The following ADGRL2 variants were observed in gnomAD, a reference collection of about 807,000 sequenced individuals.
ADGRL2 encodes the protein calcium-independent alpha-latrotoxin receptor 2.
A neutral mutation model predicts 157.4 loss-of-function variants in ADGRL2; 44 were observed. The ratio of observed to expected loss-of-function variants is 0.28; its 90% confidence interval spans 0.22 to 0.36. The LOEUF (loss-of-function observed/expected upper bound fraction) is 0.36. Among genes scored for constraint, ADGRL2 ranks in the 10% least tolerant of loss-of-function variants. The probability of loss-of-function intolerance (pLI) is 1.00; values close to 1 mark genes in which losing one functional copy is unlikely to be tolerated. For synonymous variants in ADGRL2, 585 were observed against 624.7 expected (o/e 0.94, Z 0.95); for missense variants, 1,510 against 1,768.9 (o/e 0.85, Z 2.63).
At chr1:81,427,007 C>A in intron 1 of ADGRL2, 1 of 981,062 alleles carries the variant, frequency 1.0e-6, no homozygotes, top group South Asian at 1.3e-5. Flanking sequence ...CATTGTTATT[C>A]AGAAATACCA....
chr1:81,329,346 G>A (rs1280839829), intron 1 of ADGRL2, among the ~76,000 whole-genome samples: 3 of 151,700 alleles, frequency 2.0e-5, no homozygotes, highest in Non-Finnish European at 4.4e-5. Flanking sequence ...CCCCTATTTT[G>A]AAAGGAGGCT....
chr1:81,500,434 A>G (rs2078822339), intron 2 of ADGRL2, among the ~76,000 whole-genome samples: 2 of 152,236 alleles, frequency 1.3e-5, no homozygotes, highest in Non-Finnish European at 2.9e-5. Context: ...GATAAACAAA[A>G]TGTGGTATAT....
intron 2 of ADGRL2, among the ~76,000 whole-genome samples, chr1:81,509,626 T>C (rs2079039971): frequency 6.6e-6 from 1 of 152,178 alleles, no homozygotes; most frequent in South Asian, 2.1e-4. Flanking sequence ...GTTAAAAACA[T>C]GAATGAGAAA....
chr1:81,784,123 T>TA (rs768181383), intron 2 of ADGRL2, among the ~76,000 whole-genome samples: 36 of 152,072 alleles, frequency 2.4e-4, no homozygotes, highest in South Asian at 1.7e-3. Context: ...TTTCTAAAAA[T>TA]AAAAAAAAGC....
intron 2 of ADGRL2, among the ~76,000 whole-genome samples, chr1:81,478,024 A>ATT (rs987706724): frequency 1.3e-5 from 2 of 151,140 alleles, no homozygotes; most frequent in Non-Finnish European, 3.0e-5. Flanking sequence ...TTTGAGAGTA[A>ATT]TTTTTTTGCA....
At chr1:81,931,164 C>G (rs2095222822) in intron 3 of ADGRL2, among the ~76,000 whole-genome samples, 1 of 151,888 alleles carries the variant, frequency 6.6e-6, no homozygotes, top group Non-Finnish European at 1.5e-5. Flanking sequence ...AACCAAAAAA[C>G]AAATAAACAA....
intron 3 of ADGRL2, among the ~76,000 whole-genome samples, chr1:81,629,974 G>C (rs961536846): frequency 2.0e-5 from 3 of 151,798 alleles, no homozygotes; most frequent in African/African-American, 7.3e-5. Flanking sequence ...TTGGAAAACT[G>C]TGTGTGTGCG....
At chr1:81,752,947 A>C (rs185313440) in intron 1 of ADGRL2, among the ~76,000 whole-genome samples, 80 of 152,354 alleles carry the variant, frequency 5.3e-4, no homozygotes, top group African/African-American at 1.9e-3. Context: ...ACATTGCTAT[A>C]ATACAACTAT....
intron 2 of ADGRL2, among the ~76,000 whole-genome samples, chr1:81,769,280 C>T (rs61775264): frequency 6.6e-6 from 1 of 151,824 alleles, no homozygotes; most frequent in Non-Finnish European, 1.5e-5. Flanking sequence ...TTGCTTGTAT[C>T]CTGCATTTCC....
At chr1:81,932,233 A>G (rs892124780) in intron 3 of ADGRL2, among the ~76,000 whole-genome samples, 2 of 152,156 alleles carry the variant, frequency 1.3e-5, no homozygotes, top group African/African-American at 4.8e-5. Flanking sequence ...TTTTAGCAAA[A>G]CATTATACTT....
chr1:81,922,645 G>A (rs988750758), intron 3 of ADGRL2, among the ~76,000 whole-genome samples: 14 of 151,994 alleles, frequency 9.2e-5, no homozygotes, highest in African/African-American at 3.4e-4. Flanking sequence ...AAAATTACAG[G>A]TATTTCTACA....
At chr1:81,638,908 G>A (rs990911527) in intron 3 of ADGRL2, among the ~76,000 whole-genome samples, 10 of 152,178 alleles carry the variant, frequency 6.6e-5, no homozygotes, top group Non-Finnish European at 1.0e-4. Flanking sequence ...GGGAGCTGAG[G>A]TGAGAGGATC....
chr1:81,972,948 T>C (rs1659180736), intron 17 of ADGRL2, among the ~76,000 whole-genome samples: 1 of 150,884 alleles, frequency 6.6e-6, no homozygotes, highest in Non-Finnish European at 1.5e-5. Flanking sequence ...TGTAGCACTA[T>C]GGTGAGAAAT....
At chr1:81,714,354 GGC>G (rs1296254440) in intron 1 of ADGRL2, among the ~76,000 whole-genome samples, 2 of 152,274 alleles carry the variant, frequency 1.3e-5, no homozygotes, top group Non-Finnish European at 2.9e-5. Context: ...CTCACTATTA[GGC>G]AAAGATAGAG....
rs182484633 is a variant in ADGRL2, at chr1:81,951,510, T to C, written c.1608+389T>C. On this transcript the variant is annotated intron_variant, in intron 8 of 23. Coordinates refer to ENST00000686636, the MANE Select transcript of ADGRL2 (RefSeq NM_001366006.2). The stretch of plus-strand genomic sequence containing the variant: ...AATGAGTAAACTACTTTAAAAGGCA[T>C]TAGTAACTTTAATATTGCAGTGTAA... 1.1e-3 allele frequency among the ~76,000 whole-genome samples: 161 copies of C among 152,212 alleles called. 1 individual carries two copies. The highest frequency in any genetic ancestry group is 3.6e-3 in the African/African-American group (150 of 41,536).
chr1:81,836,397 A>G (rs1047889852), intron 1 of ADGRL2, among the ~76,000 whole-genome samples: 1 of 152,220 alleles, frequency 6.6e-6, no homozygotes, highest in East Asian at 1.9e-4. Context: ...TTATAAGGCT[A>G]ATGTTTGCTG....
chr1:81,615,386 T>C (rs938560542), intron 3 of ADGRL2, among the ~76,000 whole-genome samples: 1 of 152,214 alleles, frequency 6.6e-6, no homozygotes, highest in African/African-American at 2.4e-5. Context: ...GTTCTTTCGC[T>C]CTTCGCAATA....
Position 81,564,586 on chromosome 1 carries a change from C to T in ADGRL2, c.-247-16290C>T, listed in dbSNP as rs188645460. ...CCATCAAGATGAGCAAGGAAGAGAGCAAGTGAGGGTGGACAAGACAGAAGC... is the reference window on the plus strand; with the variant it reads ...CCATCAAGATGAGCAAGGAAGAGAGTAAGTGAGGGTGGACAAGACAGAAGC... On this transcript the variant is annotated intron_variant, in intron 2 of 24. Transcript: ENST00000370721. Among the ~76,000 whole-genome samples the T allele has an allele frequency of 1.6e-3, 240 of 152,260 alleles. 1 individual carries two copies. The highest frequency in any genetic ancestry group is 5.5e-3 in the African/African-American group (228 of 41,548).
rs546681812 is a variant in ADGRL2, at chr1:81,957,509, G to A, written c.2017+1449G>A. Among the ~76,000 whole-genome samples, 31 of 151,780 alleles carry A rather than the reference G, an allele frequency of 2.0e-4. 1 individual carries two copies. Among genetic ancestry groups the A allele is most frequent in the South Asian group, 4.2e-4 (2 of 4,792 alleles). ...AGCTCTGGAGTTCGAGGCCAGCCTG[G>A]GCAACATGGTGAAACCCAATCTTTA... On this transcript the variant is annotated intron_variant, in intron 11 of 23. Coordinates refer to ENST00000686636, the MANE Select transcript of ADGRL2 (RefSeq NM_001366006.2).
Sources: allele counts gnomAD v4.1 joint callset (sites outside exome capture counted in the v4.1 genomes callset), GRCh38; gene constraint gnomAD v4.1.1; transcripts MANE v1.5; gene names NCBI Gene and HGNC (gene_info 2026-07-23, HGNC 2026-07-21).